Variants in TNRC6A observed in about 807,000 individuals in gnomAD.
TNRC6A encodes trinucleotide repeat containing adaptor 6A, also known as trinucleotide repeat-containing gene 6A protein.
TNRC6A carries 44 observed loss-of-function variants against 221.2 expected under a neutral mutation model. That is an observed-to-expected ratio of 0.20 (90% CI 0.16 to 0.26). The LOEUF is 0.26. Ranked by LOEUF, TNRC6A falls within the 10% of genes least tolerant of loss-of-function variation. TNRC6A has a pLI of 1.00. For synonymous variants in TNRC6A, 847 were observed against 838.5 expected (o/e 1.01, Z -0.18); for missense variants, 2,199 against 2,404.4 (o/e 0.91, Z 1.79).
At chr16:24,614,091 C>A (rs1242158014) in intron 1 of TNRC6A, among the ~76,000 whole-genome samples, 2 of 152,124 alleles carry the variant, frequency 1.3e-5, no homozygotes, top group African/African-American at 4.8e-5. Context: ...GTTGGTTGTT[C>A]GTGGATGATC....
chr16:24,763,787 T>C (rs979277214), intron 4 of TNRC6A, among the ~76,000 whole-genome samples: 4 of 152,172 alleles, frequency 2.6e-5, no homozygotes, highest in African/African-American at 7.2e-5. Context: ...TAAAGGTAAA[T>C]ATGTGATTAA....
At chr16:24,674,042 G>A (rs547392857) in intron 2 of TNRC6A, among the ~76,000 whole-genome samples, 31 of 152,072 alleles carry the variant, frequency 2.0e-4, no homozygotes, top group Non-Finnish European at 4.0e-4. Flanking sequence ...AAAGGGAGCT[G>A]GGAACCATTG....
chr16:24,801,682 G>T (rs1188309399), intron 11 of TNRC6A, among the ~76,000 whole-genome samples: 4 of 152,068 alleles, frequency 2.6e-5, no homozygotes, highest in Non-Finnish European at 5.9e-5. Context: ...TAGAGACAGG[G>T]TTTCACCGTG....
chr16:24,794,787 A>G (rs757738413), intron 8 of TNRC6A, 68 bp downstream of exon 8: 189 of 1,491,956 alleles, frequency 1.3e-4, no homozygotes, highest in Non-Finnish European at 1.6e-4. Flanking sequence ...CAGAAAATTA[A>G]CTTTTCGCCT....
At chr16:24,794,346 TAAG>T (rs936657890) in intron 7 of TNRC6A, among the ~76,000 whole-genome samples, 195 bp from the exon 8 acceptor site, 3 of 152,232 alleles carry the variant, frequency 2.0e-5, no homozygotes, top group African/African-American at 7.2e-5. Context: ...AATTTTTAAA[TAAG>T]AATATATTAT....
chr16:24,734,429 A>G (rs2056716283), intron 2 of TNRC6A, among the ~76,000 whole-genome samples: 1 of 152,204 alleles, frequency 6.6e-6, no homozygotes, highest in Admixed American at 6.5e-5. Flanking sequence ...GGTCTAGACC[A>G]GTAGAACTCA....
rs1353308819 is a variant in TNRC6A, at chr16:24,824,892, CAAAA to C, written c.*1089_*1092del. 2.6e-5 allele frequency: 4 copies of C among 151,820 alleles called. No individual in the cohort carries two copies. Among genetic ancestry groups the C allele is most frequent in the East Asian group, 1.9e-4 (1 of 5,140 alleles). The allele number at this position is 151,820 out of a possible 1,614,324, so 9.4% of individuals were successfully genotyped here. Reference sequence around the variant, plus strand: ...TTCTCTGCCAAAAAAAAAGAAAAAACAAAAAAACGCTTAAAGCTGGAGTTTGACA... The same window carrying C: ...TTCTCTGCCAAAAAAAAAGAAAAAACAAACGCTTAAAGCTGGAGTTTGACA... On this transcript the variant is annotated 3_prime_UTR_variant, in exon 25 of 25. Coordinates refer to ENST00000395799, the MANE Select transcript of TNRC6A (RefSeq NM_014494.4).
intron 17 of TNRC6A, among the ~76,000 whole-genome samples, chr16:24,808,363 T>C (rs1333869592): frequency 2.0e-5 from 3 of 152,202 alleles, no homozygotes; most frequent in East Asian, 3.8e-4. Flanking sequence ...CAACAGGCTA[T>C]GGCCTGTTGG....
At chr16:24,769,654 C>T (rs1441078960) in intron 4 of TNRC6A, among the ~76,000 whole-genome samples, 6 of 152,072 alleles carry the variant, frequency 3.9e-5, no homozygotes, top group African/African-American at 1.4e-4. Context: ...CTCTCCATGC[C>T]AGCTGTAGGT....
chr16:24,647,891 G>A (rs956100571), intron 2 of TNRC6A, among the ~76,000 whole-genome samples: 4 of 152,066 alleles, frequency 2.6e-5, no homozygotes, highest in South Asian at 2.1e-4. Context: ...GATTGCAGGC[G>A]TGAGCCACTG....
chr16:24,704,182 C>A (rs966026296), intron 2 of TNRC6A, among the ~76,000 whole-genome samples: 2 of 151,896 alleles, frequency 1.3e-5, no homozygotes, highest in African/African-American at 4.8e-5. Flanking sequence ...GCAAACTTCG[C>A]CTCCTAGGTT....
At chr16:24,787,334 C>T (rs996682461) in intron 5 of TNRC6A, among the ~76,000 whole-genome samples, 4 of 152,108 alleles carry the variant, frequency 2.6e-5, no homozygotes, top group African/African-American at 7.2e-5. Context: ...AGGATTCTGA[C>T]GAATCCTGCC....
intron 2 of TNRC6A, among the ~76,000 whole-genome samples, chr16:24,643,102 A>G (rs1313273562): frequency 3.2e-5 from 2 of 63,166 alleles, no homozygotes; most frequent in Admixed American, 1.9e-4. Context: ...TTTTATATAT[A>G]TATATAAAAT....
chr16:24,790,583 G>A lies in TNRC6A; in HGVS notation c.1941G>A (p.Glu647=). Residue 647 remains glutamate (E), a synonymous_variant, in exon 6 of 25, where the codon GAG becomes GAA. Coordinates refer to ENST00000395799, the MANE Select transcript of TNRC6A (RefSeq NM_014494.4). ...ATGGATGGAAATCTACTGAGGAAGA[G>A]GATCAGGGTTCTGCCACATCTCAGA... is the stretch of plus-strand genomic sequence containing the variant. ...FTNGWKSTEE[E]DQGSATSQTN... 1 of 1,614,222 alleles carries A rather than the reference G, an allele frequency of 6.2e-7. No individual in the cohort carries two copies. Among genetic ancestry groups the A allele is most frequent in the South Asian group, 1.1e-5 (1 of 91,080 alleles).
intron 4 of TNRC6A, among the ~76,000 whole-genome samples, chr16:24,760,347 A>C (rs7200344): frequency 1.3e-5 from 2 of 152,196 alleles, no homozygotes; most frequent in African/African-American, 2.4e-5. Flanking sequence ...TTTCTTCAAC[A>C]TCTTTGAGTA....
intron 4 of TNRC6A, among the ~76,000 whole-genome samples, chr16:24,765,451 C>T (rs1025369267): frequency 2.6e-5 from 4 of 152,248 alleles, no homozygotes; most frequent in Non-Finnish European, 5.9e-5. Context: ...TCTGCTGTTA[C>T]AGTTGGGGCT....
chr16:24,730,181 T>C lies in TNRC6A; in HGVS notation c.6-72T>C. ...CGGCGCGAGCCTCTGCCGCAGCAGC[T>C]CCGTTTTCACGCGCATCTCGTTTTT... is the stretch of plus-strand genomic sequence containing the variant. On this transcript the variant is annotated intron_variant, in intron 1 of 24. Transcript: ENST00000395799. 3.8e-6 allele frequency: 5 copies of C among 1,324,478 alleles called. No homozygotes were observed. The South Asian group carries it at 4.1e-5, about 11-fold the overall frequency. 82.0% of individuals were successfully genotyped at this position (1,324,478 alleles called of 1,614,324 possible). A position where few individuals can be genotyped will look rare whatever the true frequency, so the allele number is the denominator to read the frequency against.
chr16:24,642,753 G>A (rs1902018899), intron 2 of TNRC6A, among the ~76,000 whole-genome samples: 1 of 152,094 alleles, frequency 6.6e-6, no homozygotes, highest in African/African-American at 2.4e-5. Flanking sequence ...CCGGAAGGTG[G>A]AGGTTGCGGT....
chr16:24,621,977 G>A (rs1900697907), intron 1 of TNRC6A, among the ~76,000 whole-genome samples: 2 of 152,128 alleles, frequency 1.3e-5, no homozygotes, highest in African/African-American at 4.8e-5. Flanking sequence ...ATTGAACAAG[G>A]GATTTATCTT....
Sources: gnomAD v4.1 joint callset for allele counts (sites outside exome capture counted in the v4.1 genomes callset) on GRCh38, gnomAD v4.1.1 for gene constraint, MANE v1.5 for transcripts, NCBI Gene and HGNC (gene_info 2026-07-23, HGNC 2026-07-21) for gene names.